PCNX2: variants seen among roughly 807,000 people sequenced by gnomAD.
PCNX2 encodes the protein pecanex 2.
PCNX2 carries 168 observed loss-of-function variants against 223.8 expected under a neutral mutation model. The ratio of observed to expected loss-of-function variants is 0.75; its 90% confidence interval spans 0.66 to 0.85. PCNX2 has a LOEUF of 0.85. PCNX2 is among the 40% of genes least tolerant of loss of function. The probability of loss-of-function intolerance (pLI) is 0.00; values close to 1 mark genes in which losing one functional copy is unlikely to be tolerated. For missense variants in PCNX2, 2,507 were observed against 2,675.5 expected (o/e 0.94, Z 1.39); for synonymous variants, 1,006 against 1,052.6 (o/e 0.96, Z 0.86).
At chr1:233,144,070 A>G (rs758893559) in intron 19 of PCNX2, among the ~76,000 whole-genome samples, 3 of 152,108 alleles carry the variant, frequency 2.0e-5, no homozygotes, top group Non-Finnish European at 4.4e-5. Context: ...AGTCCCAGCT[A>G]CTTGGGAGGC....
intron 15 of PCNX2, among the ~76,000 whole-genome samples, chr1:233,192,899 T>C (rs958159572): frequency 6.6e-6 from 1 of 150,608 alleles, no homozygotes; most frequent in Non-Finnish European, 1.5e-5. Flanking sequence ...ATAACAATAC[T>C]GAATTGCACA....
At chr1:233,204,419 C>A (rs151132304) in intron 13 of PCNX2, among the ~76,000 whole-genome samples, 35 of 152,274 alleles carry the variant, frequency 2.3e-4, no homozygotes, top group African/African-American at 8.4e-4. Context: ...GGAAGTATTA[C>A]GCTTCCTAGA....
upstream of PCNX2, among the ~76,000 whole-genome samples, chr1:233,297,988 T>C (rs190917464): frequency 6.2e-4 from 94 of 152,234 alleles, no homozygotes; most frequent in African/African-American, 2.2e-3. Context: ...TTATAAGATA[T>C]AGGAAGATTA....
rs576372278 is a variant in PCNX2 at position 233,218,530 on chromosome 1, G to A, written c.2505-346C>T. Among the ~76,000 whole-genome samples, 75 of 152,192 alleles carry A rather than the reference G, an allele frequency of 4.9e-4. No homozygotes were observed. The South Asian group carries it at 9.1e-3, about 19-fold the overall frequency. On this transcript the variant is annotated intron_variant, in intron 10 of 33. Transcript: ENST00000258229. ...CTCCCAAAGTGCTGGGATTACAGGC[G>A]TGAGCCACCGTGCCCAGCCAGTTTT...
At chr1:233,048,451 G>C (rs1384602375) in intron 25 of PCNX2, among the ~76,000 whole-genome samples, 1 of 152,198 alleles carries the variant, frequency 6.6e-6, no homozygotes, top group East Asian at 1.9e-4. Context: ...GTGAGACTCT[G>C]TCTTATAAAC....
chr1:233,272,953 C>T (rs545241538), intron 1 of PCNX2, among the ~76,000 whole-genome samples: 1 of 151,986 alleles, frequency 6.6e-6, no homozygotes, highest in African/African-American at 2.4e-5. Flanking sequence ...TATAAGGATG[C>T]AAAGGCATAA....
Position 233,261,285 on chromosome 1 carries a change from C to T in PCNX2, c.517G>A (p.Gly173Ser). The T allele has an allele frequency of 6.2e-7, 1 of 1,608,996 alleles. No homozygotes were observed. Among genetic ancestry groups the T allele is most frequent in the Non-Finnish European group, 8.5e-7 (1 of 1,175,808 alleles). ...SAQETVEDLKGVILLEDHPIA... is the reference protein window; with the variant it reads ...SAQETVEDLKSVILLEDHPIA... ...AAAATATAAATGATTAACAGTTTAC[C>T]TTTGAGATCTTCTACAGTTTCCTGT... The change falls in exon 4 of 34, where the codon GGT becomes AGT. Residue 173 changes from glycine to serine, a missense_variant and splice_region_variant. This residue lies in a region of PCNX2 where 1,031 missense variants were observed against 1,021.7 expected (regional missense o/e 1.01). Coordinates refer to ENST00000258229, the MANE Select transcript of PCNX2 (RefSeq NM_014801.4).
intron 10 of PCNX2, among the ~76,000 whole-genome samples, chr1:233,225,884 C>T (rs949827992): frequency 1.1e-4 from 17 of 152,290 alleles, no homozygotes; most frequent in African/African-American, 4.1e-4. Flanking sequence ...CCTTGGGTAA[C>T]ATAGTGTTGT....
rs3033291 is a variant in PCNX2, at chr1:233,126,517, TTGTGTGTGTG to T, written c.3837+8486_3837+8495del. 1.4e-5 allele frequency among the ~76,000 whole-genome samples: 2 copies of T among 147,948 alleles called. No homozygotes were observed. Among genetic ancestry groups the T allele is most frequent in the Non-Finnish European group, 1.5e-5 (1 of 66,972 alleles). ...AAATTTGTGTGGTGTGTGTGTGTGTTTGTGTGTGTGTGTGTGTGTGTAAATATACCAGAGG... is the reference window on the plus strand; with the variant it reads ...AAATTTGTGTGGTGTGTGTGTGTGTTTGTGTGTGTGTAAATATACCAGAGG... On this transcript the variant is annotated intron_variant, in intron 21 of 33. Transcript: ENST00000258229. This position sits in a 1 kb window ranked among gnomAD's most constrained non-coding sequence, Gnocchi z 4.8.
rs1049731397 is a variant in PCNX2, at chr1:233,217,081, T to C, written c.2691+818A>G. Among the ~76,000 whole-genome samples, 3 of 152,128 alleles carry C rather than the reference T, an allele frequency of 2.0e-5. No individual in the cohort carries two copies. In the East Asian group the frequency reaches 5.8e-4, roughly 29 times the overall value. ...CAGTGGGATGGGGAATGAGGAAAGATTGGCTAAAGGGTACAAAGTTTCAGC... is the reference window on the plus strand; with the variant it reads ...CAGTGGGATGGGGAATGAGGAAAGACTGGCTAAAGGGTACAAAGTTTCAGC... On this transcript the variant is annotated intron_variant, in intron 12 of 33. Coordinates refer to ENST00000258229, the MANE Select transcript of PCNX2 (RefSeq NM_014801.4).
At chr1:233,094,737 T>C (rs1284750203) in intron 22 of PCNX2, among the ~76,000 whole-genome samples, 1 of 152,230 alleles carries the variant, frequency 6.6e-6, no homozygotes, top group Non-Finnish European at 1.5e-5. Flanking sequence ...AAGAGAGTTC[T>C]GAGTGGTCAT....
chr1:233,090,450 T>C (rs1168420833), intron 22 of PCNX2, among the ~76,000 whole-genome samples: 4 of 152,192 alleles, frequency 2.6e-5, no homozygotes, highest in Non-Finnish European at 4.4e-5. Flanking sequence ...ATGGCAAAGG[T>C]TTAATATCTA....
intron 19 of PCNX2, among the ~76,000 whole-genome samples, chr1:233,150,146 A>G (rs544957083): frequency 3.9e-4 from 59 of 152,240 alleles, no homozygotes; most frequent in African/African-American, 1.4e-3. Flanking sequence ...CTTTGTCCAT[A>G]GTGGCCACTC....
At chr1:233,078,351 A>C (rs1417734910) in intron 23 of PCNX2, among the ~76,000 whole-genome samples, 5 of 152,256 alleles carry the variant, frequency 3.3e-5, no homozygotes, top group African/African-American at 1.2e-4. Flanking sequence ...AGATGTTTCA[A>C]ATCTGCCTAA....
At chr1:233,025,612 T>A in intron 25 of PCNX2, 1 of 616,670 alleles carries the variant, frequency 1.6e-6, no homozygotes, top group Non-Finnish European at 2.7e-6. Flanking sequence ...TGAGTCTCTG[T>A]AGAAAATATA....
the PCNX2 span, among the ~76,000 whole-genome samples, chr1:233,305,689 A>G: frequency 6.6e-6 from 1 of 152,222 alleles, no homozygotes; most frequent in South Asian, 2.1e-4. Context: ...CCCTGGGCTC[A>G]AACCATCCAC....
intron 26 of PCNX2, among the ~76,000 whole-genome samples, chr1:233,022,695 C>CT (rs372153367): frequency 0.029 from 3,773 of 128,444 alleles, 118 homozygotes; most frequent in Admixed American, 0.075. Flanking sequence ...CTTTTTCTTT[C>CT]TTTTTTTTTT....
chr1:233,153,687 C>T (rs554762595), intron 19 of PCNX2, among the ~76,000 whole-genome samples: 2 of 152,216 alleles, frequency 1.3e-5, no homozygotes, highest in Admixed American at 1.3e-4. Flanking sequence ...GCAGAACACG[C>T]ACATGATCAT....
chr1:233,178,203 G>C (rs914314095), intron 16 of PCNX2, among the ~76,000 whole-genome samples: 2 of 152,140 alleles, frequency 1.3e-5, no homozygotes, highest in South Asian at 2.1e-4. Flanking sequence ...TTCACAATTA[G>C]CAGCAAAAAG....
Sources: gnomAD v4.1 joint callset for allele counts (sites outside exome capture counted in the v4.1 genomes callset) on GRCh38, gnomAD v4.1.1 for gene constraint, gnomAD v4.1.1 regional missense constraint, Gnocchi (gnomAD v3.1) non-coding constraint, MANE v1.5 for transcripts, NCBI Gene and HGNC (gene_info 2026-07-23, HGNC 2026-07-21) for gene names.